The following DCUN1D5 variants were observed in gnomAD, a reference collection of about 807,000 sequenced individuals.
DCUN1D5 encodes DCN1-like protein 5.
DCUN1D5 carries 10 observed loss-of-function variants against 38.3 expected under a neutral mutation model. The observed-to-expected ratio is 0.26, with a 90% CI of 0.16 to 0.44. The LOEUF (loss-of-function observed/expected upper bound fraction) is 0.44. Ranked by LOEUF, DCUN1D5 falls within the 20% of genes least tolerant of loss-of-function variation. The probability of loss-of-function intolerance (pLI) is 1.00; values close to 1 mark genes in which losing one functional copy is unlikely to be tolerated. For synonymous variants in DCUN1D5, 93 were observed against 90.9 expected (o/e 1.02, Z -0.13); for missense variants, 148 against 275.3 (o/e 0.54, Z 3.27).
chr11:103,079,405 A>G (rs1275793107), intron 4 of DCUN1D5, among the ~76,000 whole-genome samples: 1 of 152,244 alleles, frequency 6.6e-6, no homozygotes, highest in Non-Finnish European at 1.5e-5. Context: ...CTTACATAAT[A>G]TAGGTGTCTA....
intron 4 of DCUN1D5, among the ~76,000 whole-genome samples, chr11:103,081,966 G>A (rs1332195799): frequency 1.3e-5 from 2 of 151,938 alleles, no homozygotes; most frequent in African/African-American, 4.8e-5. Flanking sequence ...AAACCAAACA[G>A]CTAATTAAGC....
At chr11:103,072,765 TG>T (rs1862310820) in intron 4 of DCUN1D5, among the ~76,000 whole-genome samples, 2 of 6,404 alleles carry the variant, frequency 3.1e-4, no homozygotes, top group African/African-American at 1.2e-3. Flanking sequence ...TGTCGGGGGG[TG>T]GGGGGAGGGG....
At chr11:103,080,777 G>GGC (rs1862540579) in intron 4 of DCUN1D5, among the ~76,000 whole-genome samples, 2 of 152,160 alleles carry the variant, frequency 1.3e-5, no homozygotes, top group Non-Finnish European at 2.9e-5. Context: ...GGGAGGTCGA[G>GGC]GCAGGTGGAT....
rs1460218363 is a variant in DCUN1D5 at position 103,053,614 on chromosome 11, TTATG to T, written c.*8741_*8744del. On this transcript the variant is annotated 3_prime_UTR_variant, in exon 8 of 8. Transcript: ENST00000260247. This position sits in a 1 kb window ranked among gnomAD's most constrained non-coding sequence, Gnocchi z 4.8. ...CACATGTACCCCCCAAATAAATACATTATGTATCAATGAATTTTAATTATATGAA... is the reference window on the plus strand; with the variant it reads ...CACATGTACCCCCCAAATAAATACATTATCAATGAATTTTAATTATATGAA... 1 of 151,904 alleles carries T rather than the reference TTATG, an allele frequency of 6.6e-6. No individual in the cohort carries two copies. The highest frequency in any genetic ancestry group is 1.5e-5 in the Non-Finnish European group (1 of 67,924). 9.4% of individuals were successfully genotyped at this position (151,904 alleles called of 1,614,324 possible). A position where few individuals can be genotyped will look rare whatever the true frequency, so the allele number is the denominator to read the frequency against.
Position 103,051,387 on chromosome 11 carries a change from G to A in DCUN1D5, c.*10972C>T, listed in dbSNP as rs1861726217. ...CTGACAAGGCAGCAACCTTAGAAAT[G>A]ATATCAGCATGAAAAGTTCATGACT... On this transcript the variant is annotated 3_prime_UTR_variant, in exon 8 of 8. Coordinates refer to ENST00000260247, the MANE Select transcript of DCUN1D5 (RefSeq NM_032299.4). The A allele has an allele frequency of 6.6e-6, 1 of 151,886 alleles. No individual in the cohort carries two copies. Among genetic ancestry groups the A allele is most frequent in the Non-Finnish European group, 1.5e-5 (1 of 68,004 alleles). 9.4% of individuals were successfully genotyped at this position (151,886 alleles called of 1,614,324 possible). A position where few individuals can be genotyped will look rare whatever the true frequency, so the allele number is the denominator to read the frequency against.
In DCUN1D5 at chr11:103,059,026, A is replaced by G. The variant is rs1446405551; in HGVS notation, c.*3333T>C. 6.6e-6 allele frequency among the ~76,000 whole-genome samples: 1 copy of G among 152,026 alleles called. No individual in the cohort carries two copies. Among genetic ancestry groups the G allele is most frequent in the Non-Finnish European group, 1.5e-5 (1 of 67,988 alleles). On this transcript the variant is annotated 3_prime_UTR_variant, in exon 8 of 8. Transcript: ENST00000260247. ...GATGCCTTAGACATTTAAAACATTA[A>G]GCTGTAAGAGCCTTGAAGGCCAGAA...
Position 103,087,379 on chromosome 11 carries a change from C to A in DCUN1D5, c.178+1848G>T, listed in dbSNP as rs1862739484. ...TAGAGAGAGTGTTTCACCATGTTAA[C>A]CAGGATGGTCTCGATCTCCTGACCT... is the stretch of plus-strand genomic sequence containing the variant. On this transcript the variant is annotated intron_variant, in intron 2 of 7. Transcript: ENST00000260247. The surrounding 1 kb of genome is among the most constrained non-coding windows in gnomAD (Gnocchi z 4.1). 6.6e-6 allele frequency among the ~76,000 whole-genome samples: 1 copy of A among 151,984 alleles called. No homozygotes were observed. Among genetic ancestry groups the A allele is most frequent in the African/African-American group, 2.4e-5 (1 of 41,372 alleles).
Position 103,071,530 on chromosome 11 carries a change from C to A in DCUN1D5, c.342-4963G>T, listed in dbSNP as rs955658048. ...ACTCTATATCTATATGATCTATAAT[C>A]TATATATAGATATTTTATATCTATT... is the stretch of plus-strand genomic sequence containing the variant. On this transcript the variant is annotated intron_variant, in intron 4 of 7. Transcript: ENST00000260247. The surrounding 1 kb of genome is among the most constrained non-coding windows in gnomAD (Gnocchi z 4.1). Among the ~76,000 whole-genome samples, 1 of 149,290 alleles carries A rather than the reference C, an allele frequency of 6.7e-6. No individual in the cohort carries two copies. The highest frequency in any genetic ancestry group is 1.5e-5 in the Non-Finnish European group (1 of 67,412).
rs145369016 is a variant in DCUN1D5 at position 103,065,319 on chromosome 11, T to C, written c.556-942A>G. Among the ~76,000 whole-genome samples the C allele has an allele frequency of 3.9e-5, 6 of 152,154 alleles. 1 individual carries two copies. The highest frequency in any genetic ancestry group is 1.2e-4 in the African/African-American group (5 of 41,514). ...GGCACAAACCACCACACCCAGCTAA[T>C]TTTTTGTGTGTATTTTTAGTAGAGA... On this transcript the variant is annotated intron_variant, in intron 6 of 7. Transcript: ENST00000260247. The surrounding 1 kb of genome is among the most constrained non-coding windows in gnomAD (Gnocchi z 4.6).
In DCUN1D5 at chr11:103,060,125, G is replaced by A. The variant is rs904632888; in HGVS notation, c.*2234C>T. On this transcript the variant is annotated 3_prime_UTR_variant, in exon 8 of 8. Coordinates refer to ENST00000260247, the MANE Select transcript of DCUN1D5 (RefSeq NM_032299.4). ...GCCCACACCCTGACTGATGAATTAG[G>A]CAGAGTAAATTTGCCTTCAAAGTAG... Among the ~76,000 whole-genome samples the A allele has an allele frequency of 3.9e-5, 6 of 152,118 alleles. No homozygotes were observed. The highest frequency in any genetic ancestry group is 7.3e-5 in the Non-Finnish European group (5 of 68,032).
At position 103,066,389 on chromosome 11, in the gene DCUN1D5, A is replaced by G. The variant is rs1862134633; in HGVS notation, c.451-16T>C. ...GATCTTTATCCTAAAATATAAGTGA[A>G]AAAGTTTTCCTAAGTGTGGTCTCAA... On this transcript the variant is annotated splice_polypyrimidine_tract_variant and intron_variant, in intron 5 of 7. Coordinates refer to ENST00000260247, the MANE Select transcript of DCUN1D5 (RefSeq NM_032299.4). The surrounding 1 kb of genome is among the most constrained non-coding windows in gnomAD (Gnocchi z 4.7). 3 of 1,602,470 alleles carry G rather than the reference A, an allele frequency of 1.9e-6. No homozygotes were observed. In the Middle Eastern group the frequency reaches 5.0e-4, roughly 267 times the overall value.
In DCUN1D5 at chr11:103,057,619, T is replaced by C. The variant is rs1380686758; in HGVS notation, c.*4740A>G. Reference sequence around the variant, plus strand: ...TCTGTAATCCCAGCTACTTGGGAGGTTGACGCACGAGAATCTCTTGAACCC... The same window carrying C: ...TCTGTAATCCCAGCTACTTGGGAGGCTGACGCACGAGAATCTCTTGAACCC... On this transcript the variant is annotated 3_prime_UTR_variant, in exon 8 of 8. Transcript: ENST00000260247. The surrounding 1 kb of genome is among the most constrained non-coding windows in gnomAD (Gnocchi z 4.8). 4.6e-5 allele frequency among the ~76,000 whole-genome samples: 7 copies of C among 151,394 alleles called. No homozygotes were observed. The highest frequency in any genetic ancestry group is 1.9e-4 in the East Asian group (1 of 5,174).
rs1221383503 is a variant in DCUN1D5 at position 103,063,337 on chromosome 11, CTAGTT to C, written c.659-928_659-924del. ...ATGTTGTATTTTAATACAAAATCTC[CTAGTT>C]TTAAATGCTGATACAAAATACATAA... On this transcript the variant is annotated intron_variant, in intron 7 of 7. Transcript: ENST00000260247. The surrounding 1 kb of genome is among the most constrained non-coding windows in gnomAD (Gnocchi z 4.6). 6.6e-6 allele frequency among the ~76,000 whole-genome samples: 1 copy of C among 152,038 alleles called. No individual in the cohort carries two copies. Among genetic ancestry groups the C allele is most frequent in the Non-Finnish European group, 1.5e-5 (1 of 67,964 alleles).
rs562953798 is a variant in DCUN1D5, at chr11:103,088,398, G to A, written c.178+829C>T. ...CAAAAAAACAAAACTATTCTAAGGGGAAAAAAATTCCATATATATTTATGA... is the reference window on the plus strand; with the variant it reads ...CAAAAAAACAAAACTATTCTAAGGGAAAAAAAATTCCATATATATTTATGA... On this transcript the variant is annotated intron_variant, in intron 2 of 7. Coordinates refer to ENST00000260247, the MANE Select transcript of DCUN1D5 (RefSeq NM_032299.4). 4.6e-5 allele frequency among the ~76,000 whole-genome samples: 7 copies of A among 152,174 alleles called. No individual in the cohort carries two copies. The South Asian group carries it at 1.5e-3, about 32-fold the overall frequency.
intron 1 of DCUN1D5, among the ~76,000 whole-genome samples, chr11:103,089,739 T>C (rs1862806572): frequency 6.6e-6 from 1 of 152,090 alleles, no homozygotes. Context: ...GAATCAATAT[T>C]TCAAAATAAA....
intron 4 of DCUN1D5, among the ~76,000 whole-genome samples, chr11:103,080,836 C>T (rs796221421): frequency 6.6e-6 from 1 of 152,022 alleles, no homozygotes; most frequent in Admixed American, 6.6e-5. Context: ...GTGAATGAAA[C>T]CCTGTCTCTA....
At chr11:103,072,182 C>A (rs183017896) in intron 4 of DCUN1D5, among the ~76,000 whole-genome samples, 1 of 152,058 alleles carries the variant, frequency 6.6e-6, no homozygotes, top group East Asian at 1.9e-4. Flanking sequence ...CCACTCTTAT[C>A]GACATAGTGG....
rs1315103019 is a variant in DCUN1D5 at position 103,052,196 on chromosome 11, G to C, written c.*10163C>G. 1 of 152,188 alleles carries C rather than the reference G, an allele frequency of 6.6e-6. No individual in the cohort carries two copies. The highest frequency in any genetic ancestry group is 2.4e-5 in the African/African-American group (1 of 41,448). 9.4% of individuals were successfully genotyped at this position (152,188 alleles called of 1,614,324 possible). ...TACCATGAGTCAGGCACCATGCTGAGAGCTGAAGACATGGTTTCTGCCCTC... is the reference window on the plus strand; with the variant it reads ...TACCATGAGTCAGGCACCATGCTGACAGCTGAAGACATGGTTTCTGCCCTC... On this transcript the variant is annotated 3_prime_UTR_variant, in exon 8 of 8. Coordinates refer to ENST00000260247, the MANE Select transcript of DCUN1D5 (RefSeq NM_032299.4).
At chr11:103,081,000 T>C (rs1474451460) in intron 4 of DCUN1D5, among the ~76,000 whole-genome samples, 3 of 149,912 alleles carry the variant, frequency 2.0e-5, no homozygotes, top group African/African-American at 7.4e-5. Flanking sequence ...AAAGCAAGAC[T>C]CCGTCTAAAA....
Sources: gnomAD v4.1 joint callset for allele counts (sites outside exome capture counted in the v4.1 genomes callset) on GRCh38, gnomAD v4.1.1 for gene constraint, Gnocchi (gnomAD v3.1) non-coding constraint, MANE v1.5 for transcripts, NCBI Gene and HGNC (gene_info 2026-07-23, HGNC 2026-07-21) for gene names.